Variants in UTRN observed in about 807,000 individuals in gnomAD.
UTRN encodes utrophin.
UTRN carries 283 observed loss-of-function variants against 463.9 expected under a neutral mutation model. That is an observed-to-expected ratio of 0.61 (90% CI 0.55 to 0.67). The LOEUF (loss-of-function observed/expected upper bound fraction) is 0.67, where lower values mean the gene tolerates loss of function less well. Ranked by LOEUF, UTRN falls within the 30% of genes least tolerant of loss-of-function variation. The pLI, the probability that UTRN is intolerant of heterozygous loss-of-function variation, is 0.00. For synonymous variants in UTRN, 1,442 were observed against 1,431.5 expected (o/e 1.01, Z -0.17); for missense variants, 3,922 against 4,084.3 (o/e 0.96, Z 1.08).
intron 13 of UTRN, among the ~76,000 whole-genome samples, chr6:144,442,734 C>T (rs750309428): frequency 1.2e-4 from 18 of 152,174 alleles, no homozygotes; most frequent in Non-Finnish European, 2.1e-4. Flanking sequence ...TTACCTCCCA[C>T]CAAGTTCCTC....
chr6:144,485,834 G>GACAAC (rs1417619414), intron 28 of UTRN, among the ~76,000 whole-genome samples: 1 of 152,298 alleles, frequency 6.6e-6, no homozygotes, highest in East Asian at 1.9e-4. Context: ...ATGTTATTAG[G>GACAAC]ACAACTGCTC....
intron 2 of UTRN, among the ~76,000 whole-genome samples, chr6:144,358,317 T>A (rs1407186360): frequency 6.6e-6 from 1 of 152,316 alleles, no homozygotes; most frequent in East Asian, 1.9e-4. Flanking sequence ...TAACAGTGTG[T>A]ATACACACAC....
chr6:144,808,296 T>C (rs1778322653), intron 65 of UTRN, among the ~76,000 whole-genome samples: 2 of 152,026 alleles, frequency 1.3e-5, no homozygotes. Context: ...TTTTGTATTA[T>C]CCATGCATTA....
In UTRN at chr6:144,852,868, T is replaced by G. The variant is rs189788171; in HGVS notation, c.*1871T>G. 47 of 152,742 alleles carry G rather than the reference T, an allele frequency of 3.1e-4. No individual in the cohort carries two copies. Among genetic ancestry groups the G allele is most frequent in the South Asian group, 1.7e-3 (8 of 4,822 alleles). 9.5% of individuals were successfully genotyped at this position (152,742 alleles called of 1,614,324 possible). A position where few individuals can be genotyped will look rare whatever the true frequency, so the allele number is the denominator to read the frequency against. ...AAGAAAAGCTACGTAAAACACTACA[T>G]TGTAACCTTCTAAGTAATAATAAAT... is the stretch of plus-strand genomic sequence containing the variant. On this transcript the variant is annotated 3_prime_UTR_variant, in exon 75 of 75. Coordinates refer to ENST00000367545, the MANE Select transcript of UTRN (RefSeq NM_007124.3).
chr6:144,452,442 T>C (rs957323497), intron 18 of UTRN, among the ~76,000 whole-genome samples: 22 of 152,130 alleles, frequency 1.4e-4, no homozygotes, highest in Admixed American at 2.0e-4. Flanking sequence ...AGTATATAAA[T>C]ATGAATAATA....
Position 144,479,828 on chromosome 6 carries a change from G to A in UTRN, c.3353G>A (p.Ser1118Asn). ...CCTTTGTAGATCGCTACTCAAAAAA[G>A]TAGGTTGTCTGAAAGTCAAGAAAAA... ...KLSKEIATQK[S>N]RLSESQEKAA... is the part of the protein sequence containing the mutation. Residue 1118 changes from serine to asparagine, a missense_variant, in exon 26 of 75, where the codon AGT becomes AAT. Around this residue, in one of 3 missense-constraint regions of UTRN, gnomAD observed 2,349 missense variants for 2,303.8 expected, o/e 1.02. Coordinates refer to ENST00000367545, the MANE Select transcript of UTRN (RefSeq NM_007124.3). 2 of 1,613,576 alleles carry A rather than the reference G, an allele frequency of 1.2e-6. No individual in the cohort carries two copies. The highest frequency in any genetic ancestry group is 1.7e-6 in the Non-Finnish European group (2 of 1,179,824).
At chr6:144,702,071 G>A (rs577998018) in intron 53 of UTRN, among the ~76,000 whole-genome samples, 1 of 152,236 alleles carries the variant, frequency 6.6e-6, no homozygotes, top group South Asian at 2.1e-4. Context: ...TACAGTATTA[G>A]GGATGAAACA....
intron 66 of UTRN, among the ~76,000 whole-genome samples, chr6:144,823,979 G>A (rs995387264): frequency 6.6e-6 from 1 of 152,124 alleles, no homozygotes; most frequent in African/African-American, 2.4e-5. Flanking sequence ...CGACTAGAAG[G>A]AAGTATGACA....
chr6:144,383,138 C>T (rs1781082077), intron 2 of UTRN, among the ~76,000 whole-genome samples: 2 of 150,998 alleles, frequency 1.3e-5, no homozygotes, highest in South Asian at 4.2e-4. Context: ...TACCATTTTG[C>T]CCAGGCTGGT....
Position 144,836,295 on chromosome 6 carries a change from T to C in UTRN, c.9825-6T>C. ...GTCATTCTGTTTCTCCCTCTTTCTG[T>C]ATTAGAAATCTACAGGTGGAGTATG... On this transcript the variant is annotated splice_region_variant and splice_polypyrimidine_tract_variant and intron_variant, in intron 70 of 74. Transcript: ENST00000367545. 1.2e-6 allele frequency: 2 copies of C among 1,614,074 alleles called. No individual in the cohort carries two copies. The highest frequency in any genetic ancestry group is 1.7e-5 in the Admixed American group (1 of 60,022).
At chr6:144,485,347 A>T in intron 27 of UTRN, 38 bp from the exon 28 acceptor site, 2 of 1,613,022 alleles carry the variant, frequency 1.2e-6, no homozygotes, top group Non-Finnish European at 1.7e-6. Flanking sequence ...GATGTGTGAA[A>T]TGGCTTTTTG....
intron 2 of UTRN, among the ~76,000 whole-genome samples, chr6:144,354,164 G>A (rs989070517): frequency 7.2e-5 from 11 of 152,132 alleles, no homozygotes; most frequent in Non-Finnish European, 1.3e-4. Context: ...TAGATCTAAA[G>A]CAGTAAATGA....
chr6:144,621,042 C>T (rs1775314608), intron 51 of UTRN, among the ~76,000 whole-genome samples: 1 of 152,146 alleles, frequency 6.6e-6, no homozygotes, highest in Non-Finnish European at 1.5e-5. Flanking sequence ...TGAAGTCAGA[C>T]TGTAACCTTG....
At chr6:144,660,994 G>A (rs1389930586) in intron 51 of UTRN, among the ~76,000 whole-genome samples, 1 of 152,182 alleles carries the variant, frequency 6.6e-6, no homozygotes, top group Non-Finnish European at 1.5e-5. Context: ...ATGCGCTCCT[G>A]CCCTCTTTAG....
chr6:144,498,234 C>T (rs1175835220), intron 33 of UTRN, among the ~76,000 whole-genome samples: 1 of 152,228 alleles, frequency 6.6e-6, no homozygotes, highest in African/African-American at 2.4e-5. Flanking sequence ...AAAGATTGTA[C>T]CACCCTGGCC....
At chr6:144,678,973 G>A (rs1241910329) in intron 52 of UTRN, among the ~76,000 whole-genome samples, 2 of 152,120 alleles carry the variant, frequency 1.3e-5, no homozygotes, top group East Asian at 3.8e-4. Flanking sequence ...TGAGGAAACA[G>A]AGGTTTAATG....
chr6:144,565,528 G>T (rs1209419868), intron 50 of UTRN, among the ~76,000 whole-genome samples: 2 of 152,002 alleles, frequency 1.3e-5, no homozygotes, highest in African/African-American at 4.8e-5. Context: ...CAAAAAAGGA[G>T]GAAGGAGCAA....
At chr6:144,781,871 A>T in intron 60 of UTRN, 51 bp from the exon 61 acceptor site, 6 of 1,298,934 alleles carry the variant, frequency 4.6e-6, no homozygotes, top group Non-Finnish European at 6.6e-6. Flanking sequence ...GTTGTTATGT[A>T]ATGTAATGTA....
At chr6:144,432,905 T>G (rs923912220) in intron 9 of UTRN, among the ~76,000 whole-genome samples, 1 of 152,148 alleles carries the variant, frequency 6.6e-6, no homozygotes, top group Non-Finnish European at 1.5e-5. Flanking sequence ...GCATGCTGCC[T>G]TCTAGCATCT....
Sources: allele counts gnomAD v4.1 joint callset (sites outside exome capture counted in the v4.1 genomes callset), GRCh38; gene constraint gnomAD v4.1.1; regional missense constraint gnomAD v4.1.1; transcripts MANE v1.5; gene names NCBI Gene and HGNC (gene_info 2026-07-23, HGNC 2026-07-21).